COL11A1: variants seen among roughly 807,000 people sequenced by gnomAD.
COL11A1 encodes the protein collagen alpha-1(XI) chain.
COL11A1 carries 74 observed loss-of-function variants against 265.2 expected under a neutral mutation model. That is an observed-to-expected ratio of 0.28 (90% CI 0.23 to 0.34). COL11A1 has a LOEUF of 0.34. COL11A1 is among the 10% of genes least tolerant of loss of function. The pLI, the probability that COL11A1 is intolerant of heterozygous loss-of-function variation, is 1.00. For missense variants in COL11A1, 2,165 were observed against 2,263.6 expected (o/e 0.96, Z 0.88); for synonymous variants, 816 against 727.6 (o/e 1.12, Z -1.96).
rs1451770546 is a variant in COL11A1, at chr1:102,881,691, A to T, written c.5040+6T>A. On this transcript the variant is annotated splice_donor_region_variant and intron_variant, in intron 65 of 66. Coordinates refer to ENST00000370096, the MANE Select transcript of COL11A1 (RefSeq NM_001854.4). Reference sequence around the variant, plus strand: ...AAAATCGTTTCATGTTGAGGTAATAACATACCAGTTTTCCCCTCTTAAATT... The same window carrying T: ...AAAATCGTTTCATGTTGAGGTAATATCATACCAGTTTTCCCCTCTTAAATT... The T allele has an allele frequency of 1.2e-6, 2 of 1,608,830 alleles. No homozygotes were observed. The highest frequency in any genetic ancestry group is 1.7e-6 in the Non-Finnish European group (2 of 1,175,914).
intron 4 of COL11A1, among the ~76,000 whole-genome samples, chr1:103,039,744 G>GT (rs71739451): frequency 7.2e-4 from 107 of 148,894 alleles, no homozygotes; most frequent in African/African-American, 2.1e-3. Context: ...TAATACTAGG[G>GT]TTTTTTTTTT....
chr1:103,050,176 G>T (rs1669684338), intron 4 of COL11A1, among the ~76,000 whole-genome samples: 1 of 152,154 alleles, frequency 6.6e-6, no homozygotes, highest in Non-Finnish European at 1.5e-5. Context: ...AGTTCTCCTG[G>T]ATAATATCCT....
chr1:103,066,307 G>A, intron 4 of COL11A1, among the ~76,000 whole-genome samples: 1 of 151,684 alleles, frequency 6.6e-6, no homozygotes, highest in East Asian at 1.9e-4. Flanking sequence ...ACATTTGGTG[G>A]TATGTTCAAT....
At chr1:103,048,017 G>A (rs1482584504) in intron 4 of COL11A1, among the ~76,000 whole-genome samples, 2 of 152,140 alleles carry the variant, frequency 1.3e-5, no homozygotes, top group African/African-American at 4.8e-5. Flanking sequence ...GTATTTTATT[G>A]AGGATTTTTG....
chr1:102,977,537 C>T (rs1662615864), intron 35 of COL11A1, among the ~76,000 whole-genome samples: 1 of 152,090 alleles, frequency 6.6e-6, no homozygotes, highest in Non-Finnish European at 1.5e-5. Context: ...TTGATCATAA[C>T]ATTTTGGAAG....
rs10874666 is a variant in COL11A1, at chr1:102,962,998, C to T, written c.2917-238G>A. On this transcript the variant is annotated intron_variant, in intron 38 of 66. Coordinates refer to ENST00000370096, the MANE Select transcript of COL11A1 (RefSeq NM_001854.4). ...TAAAAGGAAAGTACATAAATAAAGT[C>T]CAAAAAGATGTTTTCTTTGCTTAAT... 0.056 allele frequency among the ~76,000 whole-genome samples: 8,508 copies of T among 152,202 alleles called. 268 individuals are homozygous for T. The highest frequency in any genetic ancestry group is 0.074 in the Non-Finnish European group (5,042 of 67,994).
At chr1:103,038,453 A>G (rs1005865085) in intron 4 of COL11A1, among the ~76,000 whole-genome samples, 4 of 152,200 alleles carry the variant, frequency 2.6e-5, no homozygotes, top group Non-Finnish European at 5.9e-5. Context: ...CTGCTCGACA[A>G]AGCGAGACTC....
intron 1 of COL11A1, among the ~76,000 whole-genome samples, chr1:103,099,356 A>G (rs185641318): frequency 2.2e-4 from 33 of 151,464 alleles, no homozygotes; most frequent in African/African-American, 6.3e-4. Flanking sequence ...TACATAAAAC[A>G]TATAATTTAC....
chr1:103,045,683 A>G (rs1371105467), intron 4 of COL11A1, among the ~76,000 whole-genome samples: 1 of 152,074 alleles, frequency 6.6e-6, no homozygotes, highest in Non-Finnish European at 1.5e-5. Context: ...TTTGTTACGT[A>G]TGTAGACGTG....
chr1:102,892,743 T>G, intron 57 of COL11A1, among the ~76,000 whole-genome samples: 1 of 152,158 alleles, frequency 6.6e-6, no homozygotes, highest in East Asian at 1.9e-4. Flanking sequence ...TAGGTATACT[T>G]ATGTTTTTTA....
chr1:102,910,935 A>T (rs1385089358), intron 54 of COL11A1, among the ~76,000 whole-genome samples: 1 of 152,156 alleles, frequency 6.6e-6, no homozygotes, highest in Non-Finnish European at 1.5e-5. Flanking sequence ...ATTCTCAAGG[A>T]TGTTTTTTAT....
chr1:102,990,342 TTA>T (rs922865471), intron 28 of COL11A1, among the ~76,000 whole-genome samples: 209 of 85,000 alleles, frequency 2.5e-3, no homozygotes, highest in African/African-American at 5.3e-3. Flanking sequence ...GTATTTTTTT[TTA>T]AAATCATGTC....
Position 102,886,807 on chromosome 1 carries a change from C to T in COL11A1, c.4858G>A (p.Gly1620Ser). 1.2e-6 allele frequency: 2 copies of T among 1,613,762 alleles called. No individual in the cohort carries two copies. The highest frequency in any genetic ancestry group is 1.7e-6 in the Non-Finnish European group (2 of 1,179,774). ...GCTTTGTCATGTATTATTTACATAC[C>T]ATCTGGGAAGTCAGGATGGCTGAGT... ...LQLSHPDFPD[G>S]EYWIDPNQGC... The change falls in exon 63 of 67, where the codon GGT becomes AGT. Residue 1620 changes from glycine to serine, a missense_variant and splice_region_variant. By Grantham distance (56) the Gly-to-Ser change is moderately conservative. Transcript: ENST00000370096.
chr1:102,967,238 T>TTTTTTTA (rs1661500493), intron 37 of COL11A1, among the ~76,000 whole-genome samples: 1 of 99,560 alleles, frequency 1.0e-5, no homozygotes, highest in Non-Finnish European at 2.0e-5. Context: ...TTTTTTTTTT[T>TTTTTTTA]TTTTTTTTTT....
chr1:103,016,751 A>G (rs201041212), intron 11 of COL11A1, among the ~76,000 whole-genome samples: 1 of 152,002 alleles, frequency 6.6e-6, no homozygotes. Context: ...TATTATTTCA[A>G]TAGATTCTGT....
In COL11A1 at chr1:102,962,163, A is replaced by G; in HGVS notation, c.3114+13T>C. ...GGAATCACTTGCTTTATCTATATAG[A>G]TATTGATTATACCTGAGCTCCAGGA... On this transcript the variant is annotated intron_variant, in intron 40 of 66. Coordinates refer to ENST00000370096, the MANE Select transcript of COL11A1 (RefSeq NM_001854.4). 1 of 1,588,862 alleles carries G rather than the reference A, an allele frequency of 6.3e-7. No homozygotes were observed. The highest frequency in any genetic ancestry group is 8.6e-7 in the Non-Finnish European group (1 of 1,157,170).
At chr1:103,046,093 C>A (rs907210457) in intron 4 of COL11A1, among the ~76,000 whole-genome samples, 2 of 151,448 alleles carry the variant, frequency 1.3e-5, no homozygotes, top group African/African-American at 4.9e-5. Flanking sequence ...GTGCATGTGT[C>A]TTTATAGCAG....
intron 49 of COL11A1, among the ~76,000 whole-genome samples, chr1:102,918,091 A>G (rs1450533740): frequency 6.6e-6 from 1 of 151,502 alleles, no homozygotes; most frequent in Non-Finnish European, 1.5e-5. Flanking sequence ...TTCTAATACC[A>G]AAATGCTACA....
chr1:102,996,502 G>T (rs756913620), intron 26 of COL11A1, among the ~76,000 whole-genome samples: 15 of 151,354 alleles, frequency 9.9e-5, no homozygotes, highest in African/African-American at 2.7e-4. Context: ...CCAAAAGCTG[G>T]TTTTTTCTCT....
Sources: allele counts gnomAD v4.1 joint callset (sites outside exome capture counted in the v4.1 genomes callset), GRCh38; gene constraint gnomAD v4.1.1; transcripts MANE v1.5; gene names NCBI Gene and HGNC (gene_info 2026-07-23, HGNC 2026-07-21).